Variants in SMOC2 observed in about 807,000 individuals in gnomAD.
SMOC2 encodes SPARC related modular calcium binding 2.
A neutral mutation model predicts 61.4 loss-of-function variants in SMOC2; 39 were observed. The observed-to-expected ratio is 0.64, with a 90% CI of 0.49 to 0.83. The LOEUF (loss-of-function observed/expected upper bound fraction) is 0.83. SMOC2 is among the 40% of genes least tolerant of loss of function. The pLI, the probability that SMOC2 is intolerant of heterozygous loss-of-function variation, is 0.00. For missense variants in SMOC2, 556 were observed against 592.9 expected, an observed-to-expected ratio of 0.94 and a Z score of 0.65; for synonymous variants, 247 against 239.9, an observed-to-expected ratio of 1.03 and a Z score of -0.27.
intron 7 of SMOC2, among the ~76,000 whole-genome samples, chr6:168,578,122 C>T (rs988771352): frequency 1.2e-4 from 18 of 152,216 alleles, no homozygotes; most frequent in African/African-American, 3.9e-4. Context: ...GAACAATCAC[C>T]GTGCATTTGC....
At chr6:168,604,783 A>G (rs914110600) in intron 8 of SMOC2, among the ~76,000 whole-genome samples, 1 of 152,244 alleles carries the variant, frequency 6.6e-6, no homozygotes, top group Admixed American at 6.5e-5. Context: ...GTTTTGTGGC[A>G]GACTCATCCC....
rs189456369 is a variant in SMOC2 at position 168,628,675 on chromosome 6, T to C, written c.907+20436T>C. Reference sequence around the variant, plus strand: ...CTCTTGTCTGCCTATTCAACATGGATTCTGGAGGACCTGCTGCAAGATTAC... The same window carrying C: ...CTCTTGTCTGCCTATTCAACATGGACTCTGGAGGACCTGCTGCAAGATTAC... On this transcript the variant is annotated intron_variant, in intron 9 of 12. Transcript: ENST00000356284. Among the ~76,000 whole-genome samples the C allele has an allele frequency of 9.3e-4, 142 of 152,360 alleles. 1 individual carries two copies. Among genetic ancestry groups the C allele is most frequent in the Non-Finnish European group, 2.8e-4 (19 of 68,028 alleles).
chr6:168,469,648 A>T (rs1781925791), intron 1 of SMOC2, among the ~76,000 whole-genome samples: 1 of 152,202 alleles, frequency 6.6e-6, no homozygotes. Flanking sequence ...CCACCAGCAG[A>T]GCTGCTCGGA....
intron 1 of SMOC2, among the ~76,000 whole-genome samples, chr6:168,501,516 C>T (rs1376303690): frequency 1.3e-5 from 2 of 152,214 alleles, no homozygotes; most frequent in African/African-American, 2.4e-5. Flanking sequence ...ATCTGTCCCT[C>T]GCTATGGGGC....
At chr6:168,578,879 C>T (rs1015003831) in intron 7 of SMOC2, among the ~76,000 whole-genome samples, 37 of 152,258 alleles carry the variant, frequency 2.4e-4, no homozygotes, top group African/African-American at 7.5e-4. Flanking sequence ...AAGTAGGGAT[C>T]GCTGCGTGGT....
chr6:168,649,001 A>G (rs4708484), intron 9 of SMOC2, among the ~76,000 whole-genome samples: 3,509 of 152,194 alleles, frequency 0.023, 281 homozygotes, highest in Admixed American at 0.16. Flanking sequence ...CGTGCCCTCG[A>G]CCCAGGGGTC....
At chr6:168,647,386 C>T (rs1355321809) in intron 9 of SMOC2, among the ~76,000 whole-genome samples, 3 of 152,212 alleles carry the variant, frequency 2.0e-5, no homozygotes, top group Non-Finnish European at 4.4e-5. Context: ...GCAGCTTCCC[C>T]AGCCTGAATC....
chr6:168,527,974 A>G (rs1485954177), intron 4 of SMOC2, among the ~76,000 whole-genome samples: 2 of 152,260 alleles, frequency 1.3e-5, no homozygotes, highest in African/African-American at 4.8e-5. Flanking sequence ...TACTAAAGGA[A>G]GATAGCCCTG....
intron 9 of SMOC2, among the ~76,000 whole-genome samples, chr6:168,617,466 C>T (rs904254916): frequency 2.0e-5 from 3 of 152,090 alleles, no homozygotes; most frequent in Non-Finnish European, 4.4e-5. Flanking sequence ...ACTCTGAAGA[C>T]GGGGCAGGAA....
At chr6:168,644,350 T>A (rs1786970459) in intron 9 of SMOC2, among the ~76,000 whole-genome samples, 1 of 152,216 alleles carries the variant, frequency 6.6e-6, no homozygotes, top group Non-Finnish European at 1.5e-5. Flanking sequence ...TGTTTTAAAC[T>A]GTGAGAATGA....
intron 9 of SMOC2, among the ~76,000 whole-genome samples, chr6:168,621,286 T>C (rs1053281232): frequency 2.6e-5 from 4 of 152,236 alleles, no homozygotes; most frequent in African/African-American, 9.6e-5. Flanking sequence ...CTTTTCCTGA[T>C]GTAATCAACT....
At chr6:168,482,734 CA>C (rs1466854874) in intron 1 of SMOC2, among the ~76,000 whole-genome samples, 1 of 151,950 alleles carries the variant, frequency 6.6e-6, no homozygotes, top group Admixed American at 6.6e-5. Context: ...TCCTGGAATG[CA>C]AGGATGAATC....
At chr6:168,626,809 A>G (rs1465467680) in intron 9 of SMOC2, among the ~76,000 whole-genome samples, 2 of 152,138 alleles carry the variant, frequency 1.3e-5, no homozygotes, top group African/African-American at 4.8e-5. Context: ...GTAACGGCTG[A>G]AGGAGATGTT....
intron 7 of SMOC2, among the ~76,000 whole-genome samples, chr6:168,592,736 A>G (rs1202737076): frequency 1.4e-3 from 23 of 16,262 alleles, no homozygotes; most frequent in Non-Finnish European, 7.8e-4. Flanking sequence ...CCTCACGGGC[A>G]TCTTTCTAGA....
chr6:168,577,315 C>T (rs1294140712), intron 7 of SMOC2, among the ~76,000 whole-genome samples: 11 of 152,154 alleles, frequency 7.2e-5, no homozygotes, highest in Non-Finnish European at 1.3e-4. Context: ...CTCGTCTCAT[C>T]TCTGTAAGAC....
intron 9 of SMOC2, among the ~76,000 whole-genome samples, chr6:168,647,722 T>G (rs945374099): frequency 6.6e-6 from 1 of 152,200 alleles, no homozygotes; most frequent in African/African-American, 2.4e-5. Context: ...GAACATTCAC[T>G]TTAACATAAT....
At chr6:168,450,710 C>T (rs542348018) in intron 1 of SMOC2, among the ~76,000 whole-genome samples, 1 of 152,164 alleles carries the variant, frequency 6.6e-6, no homozygotes, top group Non-Finnish European at 1.5e-5. Flanking sequence ...CTGTTTGGAG[C>T]TTTGGTTCAT....
At chr6:168,483,561 A>G (rs1782261255) in intron 1 of SMOC2, among the ~76,000 whole-genome samples, 1 of 152,154 alleles carries the variant, frequency 6.6e-6, no homozygotes, top group African/African-American at 2.4e-5. Flanking sequence ...AATCCCTATC[A>G]AAATTCCAAA....
intron 9 of SMOC2, among the ~76,000 whole-genome samples, chr6:168,642,402 G>C (rs1786915011): frequency 6.6e-6 from 1 of 152,158 alleles, no homozygotes. Context: ...GTCTCCACTT[G>C]CTACAGTTCA....
Sources: allele counts gnomAD v4.1 joint callset (sites outside exome capture counted in the v4.1 genomes callset), GRCh38; gene constraint gnomAD v4.1.1; transcripts MANE v1.5; gene names NCBI Gene and HGNC (gene_info 2026-07-23, HGNC 2026-07-21).